Variants in OTOGL observed in about 807,000 individuals in gnomAD.
OTOGL encodes the protein otogelin like, also known as otogelin-like protein.
In OTOGL, 285 loss-of-function variants were observed where a neutral mutation model predicts 318.5. The ratio of observed to expected loss-of-function variants is 0.89; its 90% confidence interval spans 0.81 to 0.99. OTOGL has a LOEUF of 0.99. OTOGL is among the 50% of genes least tolerant of loss of function. OTOGL has a pLI of 0.00. For synonymous variants in OTOGL, 987 were observed against 936.5 expected (o/e 1.05, Z -0.99); for missense variants, 2,899 against 2,845.6 (o/e 1.02, Z -0.43).
rs769377347 is a variant in OTOGL at position 80,261,966 on chromosome 12, T to TA, written c.1890-2dup. ...GAAGATGAGCATTGTCTTTGCTTTC[T>TA]AGTTCTCCATCAGGCATGATAGAAG... On this transcript the variant is annotated splice_polypyrimidine_tract_variant and splice_region_variant and intron_variant, in intron 18 of 58. Coordinates refer to ENST00000547103, the MANE Select transcript of OTOGL (RefSeq NM_001378609.3). 91 of 1,610,354 alleles carry TA rather than the reference T, an allele frequency of 5.7e-5. No individual in the cohort carries two copies. Among genetic ancestry groups the TA allele is most frequent in the Non-Finnish European group, 2.5e-6 (3 of 1,177,868 alleles).
At chr12:80,305,975 A>C (rs1035124363) in intron 29 of OTOGL, among the ~76,000 whole-genome samples, 10 of 152,192 alleles carry the variant, frequency 6.6e-5, no homozygotes, top group African/African-American at 2.4e-4. Context: ...GGTGACATTC[A>C]AATTCATCTC....
chr12:80,106,248 A>G (rs1332983284), intron 1 of OTOGL, among the ~76,000 whole-genome samples: 8 of 152,118 alleles, frequency 5.3e-5, no homozygotes, highest in Admixed American at 4.6e-4. Flanking sequence ...TCTTGAAATC[A>G]TTTTTTCCTG....
intron 1 of OTOGL, among the ~76,000 whole-genome samples, chr12:80,195,422 G>T (rs1481702996): frequency 2.0e-5 from 3 of 152,124 alleles, no homozygotes; most frequent in African/African-American, 7.2e-5. Flanking sequence ...GGAATATAAG[G>T]TCATGCTAAA....
At chr12:80,162,793 G>A (rs1270854373) in intron 1 of OTOGL, among the ~76,000 whole-genome samples, 2 of 152,046 alleles carry the variant, frequency 1.3e-5, no homozygotes, top group Non-Finnish European at 2.9e-5. Flanking sequence ...TACTTTCTGA[G>A]GTACTTGGCG....
chr12:80,204,674 T>C (rs2137292893), intron 1 of OTOGL, among the ~76,000 whole-genome samples: 1 of 152,152 alleles, frequency 6.6e-6, no homozygotes, highest in African/African-American at 2.4e-5. Context: ...ATAAAGTACT[T>C]GGAAGTACGG....
At chr12:80,334,196 A>C (rs966909427) in intron 38 of OTOGL, among the ~76,000 whole-genome samples, 1 of 152,150 alleles carries the variant, frequency 6.6e-6, no homozygotes, top group Non-Finnish European at 1.5e-5. Flanking sequence ...AGATGGTGAA[A>C]AGTACCTGGA....
At chr12:80,123,385 A>C (rs113514315) in intron 1 of OTOGL, among the ~76,000 whole-genome samples, 1 of 152,156 alleles carries the variant, frequency 6.6e-6, no homozygotes, top group Non-Finnish European at 1.5e-5. Flanking sequence ...AAGGCTGTGT[A>C]GTATTCTATG....
chr12:80,156,345 C>T (rs1294826682), intron 1 of OTOGL, among the ~76,000 whole-genome samples: 2 of 152,208 alleles, frequency 1.3e-5, no homozygotes, highest in Non-Finnish European at 2.9e-5. Context: ...TCTCAGCTTA[C>T]AGACAGCCTA....
chr12:80,218,068 A>G (rs925103890), intron 5 of OTOGL, among the ~76,000 whole-genome samples: 10 of 152,220 alleles, frequency 6.6e-5, no homozygotes, highest in African/African-American at 2.4e-4. Context: ...TAAAATAACA[A>G]TGATCCTCAC....
chr12:80,190,399 G>T (rs934363473), intron 1 of OTOGL, among the ~76,000 whole-genome samples: 6 of 152,142 alleles, frequency 3.9e-5, no homozygotes, highest in Non-Finnish European at 8.8e-5. Flanking sequence ...GATATCACTG[G>T]TATCAAATCA....
Position 80,314,338 on chromosome 12 carries a change from G to T in OTOGL, c.3634+7G>T. On this transcript the variant is annotated splice_region_variant and intron_variant, in intron 32 of 58. Transcript: ENST00000547103. ...TGTGAATACTACAATGAAGGTATGT[G>T]ACATTCAAATTAAAAATATCACTAT... 2 of 1,045,242 alleles carry T rather than the reference G, an allele frequency of 1.9e-6. No individual in the cohort carries two copies. The highest frequency in any genetic ancestry group is 5.8e-5 in the South Asian group (2 of 34,370). 64.7% of individuals were successfully genotyped at this position (1,045,242 alleles called of 1,614,324 possible).
intron 1 of OTOGL, among the ~76,000 whole-genome samples, chr12:80,127,467 C>G (rs1483562016): frequency 2.6e-5 from 4 of 152,166 alleles, no homozygotes; most frequent in African/African-American, 9.7e-5. Context: ...TCTGGCTGCC[C>G]TTAACATTTT....
In OTOGL at chr12:80,238,977, AG is replaced by A; in HGVS notation, c.945+1del. ...NPCSSGMPAFEAIFFKCQILL... is the reference protein window; with the variant it reads ...NPCSSGMPAFXAIFFKCQILL... ...TGCTCCAGTGGAATGCCAGCATTTG[AG>A]GTAAATTTGATGTGAGAAATGTGGG... On this transcript the variant is annotated frameshift_variant and splice_region_variant, in exon 10 of 59. Coordinates refer to ENST00000547103, the MANE Select transcript of OTOGL (RefSeq NM_001378609.3). LOFTEE classifies it high-confidence loss of function. 1.9e-6 allele frequency: 3 copies of A among 1,595,648 alleles called. No homozygotes were observed. The South Asian group carries it at 3.3e-5, about 18-fold the overall frequency.
At chr12:80,139,005 T>C (rs901326550) in intron 1 of OTOGL, among the ~76,000 whole-genome samples, 1 of 152,174 alleles carries the variant, frequency 6.6e-6, no homozygotes, top group African/African-American at 2.4e-5. Flanking sequence ...ATTGGGAAGC[T>C]AAAACTCACG....
At chr12:80,372,425 A>G (rs1238838061) in intron 57 of OTOGL, among the ~76,000 whole-genome samples, 1 of 152,088 alleles carries the variant, frequency 6.6e-6, no homozygotes, top group Non-Finnish European at 1.5e-5. Context: ...ATGTTTTGTG[A>G]TCATATTTGT....
At position 80,372,036 on chromosome 12, in the gene OTOGL, G is replaced by A. The variant is rs773052893; in HGVS notation, c.6753G>A (p.Lys2251=). 15 of 1,555,124 alleles carry A rather than the reference G, an allele frequency of 9.6e-6. No individual in the cohort carries two copies. The highest frequency in any genetic ancestry group is 1.3e-5 in the Non-Finnish European group (15 of 1,148,416). Residue 2251 remains lysine (K), a synonymous_variant, in exon 57 of 59, where the codon AAG becomes AAA. Transcript: ENST00000547103. The stretch of plus-strand genomic sequence containing the variant: ...CTTTCTAGAATGAAGGGATTGTGAA[G>A]CTTTATAATGAAGGCTGTTGCAAGA... ...TECKMNEGIV[K]LYNEGCCKIC...
At chr12:80,170,015 T>C (rs1050399869) in intron 1 of OTOGL, among the ~76,000 whole-genome samples, 3 of 152,276 alleles carry the variant, frequency 2.0e-5, no homozygotes, top group African/African-American at 7.2e-5. Context: ...TTCTTTTGAG[T>C]AAATACCTAG....
intron 33 of OTOGL, among the ~76,000 whole-genome samples, chr12:80,320,143 T>C (rs373521987): frequency 6.6e-6 from 1 of 152,182 alleles, no homozygotes; most frequent in East Asian, 1.9e-4. Context: ...CATTTCCTTT[T>C]TTCCCCCAAG....
intron 10 of OTOGL, 89 bp from the exon 11 acceptor site, chr12:80,239,244 A>C (rs1242869186): frequency 2.7e-6 from 3 of 1,106,592 alleles, no homozygotes; most frequent in Non-Finnish European, 3.8e-6. Context: ...TGAGAACTGA[A>C]AATCTTGCAA....
Sources: gnomAD v4.1 joint callset for allele counts (sites outside exome capture counted in the v4.1 genomes callset) on GRCh38, gnomAD v4.1.1 for gene constraint, MANE v1.5 for transcripts, NCBI Gene and HGNC (gene_info 2026-07-23, HGNC 2026-07-21) for gene names.